The following COL19A1 variants were observed in gnomAD, a reference collection of about 807,000 sequenced individuals.
COL19A1 encodes collagen alpha-1(XIX) chain.
Under a neutral mutation model 190.2 loss-of-function variants are expected in COL19A1, and 159 were observed. The ratio of observed to expected loss-of-function variants is 0.84; its 90% CI spans 0.73 to 0.95. The LOEUF is 0.95. COL19A1 is among the 40% of genes least tolerant of loss of function. The pLI is 0.00. For missense variants in COL19A1, 1,418 were observed against 1,431.9 expected (o/e 0.99, Z 0.16); for synonymous variants, 509 against 458.9 (o/e 1.11, Z -1.39).
chr6:70,005,737 TC>T (rs944370830), intron 11 of COL19A1, among the ~76,000 whole-genome samples: 4 of 152,152 alleles, frequency 2.6e-5, no homozygotes, highest in Non-Finnish European at 4.4e-5. Context: ...CTGCCCAGAT[TC>T]CTCAGAACTA....
chr6:70,132,987 C>A (rs1490822611), intron 18 of COL19A1, among the ~76,000 whole-genome samples: 1 of 152,118 alleles, frequency 6.6e-6, no homozygotes, highest in Non-Finnish European at 1.5e-5. Context: ...ACATATAAAG[C>A]CCTCACTAAA....
rs574667771 is a variant in COL19A1 at position 70,169,973 on chromosome 6, A to G, written c.2568+1292A>G. 2.6e-5 allele frequency among the ~76,000 whole-genome samples: 4 copies of G among 152,268 alleles called. No homozygotes were observed. In the East Asian group the frequency reaches 7.7e-4, roughly 29 times the overall value. ...AAAGGATAAATTATAATTTACTGGC[A>G]TTGAAAAGGGGCTGGCAACAAAAAT... On this transcript the variant is annotated intron_variant, in intron 40 of 50. Transcript: ENST00000620364.
intron 15 of COL19A1, among the ~76,000 whole-genome samples, chr6:70,077,069 C>T (rs1201761314): frequency 3.3e-5 from 5 of 152,092 alleles, no homozygotes; most frequent in Admixed American, 6.6e-5. Flanking sequence ...ACATTCGGAG[C>T]ATGAAACATT....
At chr6:69,966,559 G>A (rs1775119504) in intron 11 of COL19A1, among the ~76,000 whole-genome samples, 1 of 152,088 alleles carries the variant, frequency 6.6e-6, no homozygotes, top group African/African-American at 2.4e-5. Flanking sequence ...TTAAACAGAT[G>A]CTTGAAGGCA....
intron 4 of COL19A1, among the ~76,000 whole-genome samples, chr6:69,921,544 A>ATATATTCATG (rs1484088746): frequency 9.4e-5 from 13 of 137,952 alleles, no homozygotes; most frequent in African/African-American, 1.6e-4. Context: ...GTATATTCAT[A>ATATATTCATG]TATATTCATA....
chr6:69,979,908 C>T (rs906846841), intron 11 of COL19A1, among the ~76,000 whole-genome samples: 14 of 151,344 alleles, frequency 9.3e-5, no homozygotes, highest in East Asian at 1.9e-4. Flanking sequence ...AATCAAAGGG[C>T]GTAAAATAAA....
At chr6:70,022,354 A>G (rs1778462011) in intron 11 of COL19A1, among the ~76,000 whole-genome samples, 1 of 152,112 alleles carries the variant, frequency 6.6e-6, no homozygotes, top group South Asian at 2.1e-4. Flanking sequence ...CACTAGAAAA[A>G]AAATTTAAAA....
intron 18 of COL19A1, among the ~76,000 whole-genome samples, chr6:70,133,863 A>C (rs1354245061): frequency 6.6e-6 from 1 of 152,220 alleles, no homozygotes; most frequent in Non-Finnish European, 1.5e-5. Context: ...AGAGGTCTCT[A>C]AGATTTCCTT....
At chr6:69,947,605 A>G (rs1469701391) in intron 9 of COL19A1, among the ~76,000 whole-genome samples, 1 of 151,816 alleles carries the variant, frequency 6.6e-6, no homozygotes, top group Non-Finnish European at 1.5e-5. Context: ...GTGGCATTCT[A>G]GCTGCACTGA....
At chr6:69,866,979 C>T (rs529562080) in intron 1 of COL19A1, among the ~76,000 whole-genome samples, 2 of 151,838 alleles carry the variant, frequency 1.3e-5, no homozygotes, top group African/African-American at 2.4e-5. Flanking sequence ...GTCTGTGAAG[C>T]GGAACTATGG....
intron 15 of COL19A1, among the ~76,000 whole-genome samples, chr6:70,088,329 C>T (rs1440975925): frequency 6.6e-6 from 1 of 151,954 alleles, no homozygotes. Flanking sequence ...GTGACTTTTT[C>T]AGATTCACTT....
In COL19A1 at chr6:70,149,880, A is replaced by G. The variant is rs774738412; in HGVS notation, c.1959A>G (p.Gly653=). 5 of 1,613,774 alleles carry G rather than the reference A, an allele frequency of 3.1e-6. No individual in the cohort carries two copies. The South Asian group carries it at 5.5e-5, about 18-fold the overall frequency. Residue 653 remains glycine (G), a synonymous_variant, in exon 29 of 51, where the codon GGA becomes GGG. Transcript: ENST00000620364. ...QGPRGLPGLP[G]TPGTPGNDGV... ...CTCGAGGTCTCCCTGGGTTGCCAGG[A>G]ACTCCAGGGACTCCAGGGAATGATG... is the stretch of plus-strand genomic sequence containing the variant.
At chr6:70,054,291 A>G (rs1780372987) in intron 14 of COL19A1, among the ~76,000 whole-genome samples, 1 of 152,222 alleles carries the variant, frequency 6.6e-6, no homozygotes, top group South Asian at 2.1e-4. Context: ...CGGAGGTTGC[A>G]GTGAGCTGGA....
At chr6:69,876,296 A>G (rs991626406) in intron 1 of COL19A1, among the ~76,000 whole-genome samples, 15 of 152,218 alleles carry the variant, frequency 9.9e-5, no homozygotes, top group Non-Finnish European at 1.6e-4. Flanking sequence ...GTCAAGGTCG[A>G]ATTCATATGC....
intron 11 of COL19A1, among the ~76,000 whole-genome samples, chr6:70,008,602 T>C (rs1440794431): frequency 1.3e-5 from 2 of 151,928 alleles, no homozygotes; most frequent in African/African-American, 4.8e-5. Flanking sequence ...TCAGATGTCT[T>C]CATCTTTATT....
At chr6:70,034,837 A>T (rs908236571) in intron 13 of COL19A1, among the ~76,000 whole-genome samples, 1 of 152,156 alleles carries the variant, frequency 6.6e-6, no homozygotes, top group Non-Finnish European at 1.5e-5. Flanking sequence ...TGAAAATTGT[A>T]TGTATATGTG....
intron 11 of COL19A1, among the ~76,000 whole-genome samples, chr6:69,965,271 T>C (rs1051949915): frequency 1.3e-5 from 2 of 152,224 alleles, no homozygotes; most frequent in Non-Finnish European, 2.9e-5. Flanking sequence ...GACATTGTTA[T>C]TGGTCAGAGA....
intron 11 of COL19A1, among the ~76,000 whole-genome samples, chr6:69,966,053 A>G (rs745625038): frequency 6.6e-6 from 1 of 152,236 alleles, no homozygotes; most frequent in Non-Finnish European, 1.5e-5. Flanking sequence ...ACTATCTGTC[A>G]GCCTTCCCAG....
chr6:69,883,132 G>C (rs1768673785), intron 2 of COL19A1, among the ~76,000 whole-genome samples: 1 of 152,216 alleles, frequency 6.6e-6, no homozygotes, highest in African/African-American at 2.4e-5. Flanking sequence ...TGGTCCCCAG[G>C]CTCTGAGGCG....
Sources: allele counts gnomAD v4.1 joint callset (sites outside exome capture counted in the v4.1 genomes callset), GRCh38; gene constraint gnomAD v4.1.1; transcripts MANE v1.5; gene names NCBI Gene and HGNC (gene_info 2026-07-23, HGNC 2026-07-21).